BBS9: variants seen among roughly 807,000 people sequenced by gnomAD.
BBS9 encodes the protein Bardet-Biedl syndrome 9, also known as protein PTHB1.
In BBS9, 89 loss-of-function variants were observed where a neutral mutation model predicts 117.7. The observed-to-expected ratio is 0.76, with a 90% CI of 0.64 to 0.90. BBS9 has a LOEUF of 0.90. Ranked by LOEUF, BBS9 falls within the 40% of genes least tolerant of loss-of-function variation. The pLI, the probability that BBS9 is intolerant of heterozygous loss-of-function variation, is 0.00. For missense variants in BBS9, 982 were observed against 1,042.2 expected, an observed-to-expected ratio of 0.94 and a Z score of 0.80; for synonymous variants, 379 against 370.9, an observed-to-expected ratio of 1.02 and a Z score of -0.25.
At chr7:33,233,991 G>A (rs1372990596) in intron 5 of BBS9, among the ~76,000 whole-genome samples, 1 of 152,102 alleles carries the variant, frequency 6.6e-6, no homozygotes, top group Non-Finnish European at 1.5e-5. Context: ...CATTCTGGCT[G>A]ATGTCTGTCC....
rs11344728 is a variant in BBS9 at position 33,375,595 on chromosome 7, C to CT, written c.1789+7749dup. Among the ~76,000 whole-genome samples, 311 of 127,448 alleles carry CT rather than the reference C, an allele frequency of 2.4e-3. 1 individual carries two copies. Among genetic ancestry groups the CT allele is most frequent in the Admixed American group, 3.6e-3 (47 of 12,952 alleles). 83.6% of individuals were successfully genotyped at this position (127,448 alleles called of 152,430 possible). On this transcript the variant is annotated intron_variant, in intron 17 of 22. Coordinates refer to ENST00000242067, the MANE Select transcript of BBS9 (RefSeq NM_198428.3). ...TGCAAATTTCTTTCTTTCTTTCTTTCTTTTTTTTTTTTTTTTGAGACAGAG... is the reference window on the plus strand; with the variant it reads ...TGCAAATTTCTTTCTTTCTTTCTTTCTTTTTTTTTTTTTTTTTGAGACAGAG...
intron 16 of BBS9, among the ~76,000 whole-genome samples, chr7:33,364,763 C>T (rs1199539513): frequency 6.8e-6 from 1 of 146,698 alleles, no homozygotes; most frequent in African/African-American, 2.5e-5. Flanking sequence ...GGGTCTTGCT[C>T]TGTCATCCAG....
At chr7:33,584,461 T>C (rs1447481064) in intron 21 of BBS9, among the ~76,000 whole-genome samples, 1 of 152,070 alleles carries the variant, frequency 6.6e-6, no homozygotes, top group East Asian at 1.9e-4. Flanking sequence ...TGCCTATTAG[T>C]TTTAGATCCT....
intron 21 of BBS9, among the ~76,000 whole-genome samples, chr7:33,626,844 G>A (rs1865659958): frequency 6.6e-6 from 1 of 152,256 alleles, no homozygotes. Context: ...CATGAGCAAA[G>A]AGATGTCCTG....
At chr7:33,415,034 C>T (rs553981981) in intron 19 of BBS9, among the ~76,000 whole-genome samples, 144 of 152,166 alleles carry the variant, frequency 9.5e-4, no homozygotes, top group Non-Finnish European at 1.8e-3. Flanking sequence ...TACCTTCCTA[C>T]CCTTTATCTT....
At chr7:33,390,409 C>T in intron 19 of BBS9, 1 of 985,210 alleles carries the variant, frequency 1.0e-6, no homozygotes, top group South Asian at 4.7e-5. Flanking sequence ...ATATTACAGA[C>T]AAGACGATCA....
intron 19 of BBS9, among the ~76,000 whole-genome samples, chr7:33,454,512 G>A (rs750384702): frequency 1.4e-4 from 21 of 152,208 alleles, no homozygotes; most frequent in Non-Finnish European, 2.6e-4. Flanking sequence ...TTTATCACTT[G>A]TCCATTTTGG....
At chr7:33,603,149 C>T (rs1332337479) in intron 21 of BBS9, among the ~76,000 whole-genome samples, 1 of 152,190 alleles carries the variant, frequency 6.6e-6, no homozygotes, top group Non-Finnish European at 1.5e-5. Context: ...CTCTTCCTTG[C>T]TCCTGAAGTT....
Position 33,605,197 on chromosome 7 carries a change from G to C in BBS9, c.2635G>C (p.Val879Leu). ...HLTAETPRPE[V>L]SPLQGVSE ...TCTCTTACTCTCTTTTTTTCCAGAA[G>C]TTTCACCCCTCCAAGGAGTCTCGGA... The change falls in exon 23 of 23, where the codon GTT becomes CTT. Residue 879 changes from valine (V) to leucine (L), a missense_variant and splice_region_variant. Val to Leu is a conservative substitution (Grantham distance 32). Coordinates refer to ENST00000242067, the MANE Select transcript of BBS9 (RefSeq NM_198428.3). The C allele has an allele frequency of 6.2e-7, 1 of 1,611,952 alleles. No individual in the cohort carries two copies. Among genetic ancestry groups the C allele is most frequent in the Admixed American group, 1.7e-5 (1 of 59,964 alleles).
At chr7:33,239,746 A>G (rs1196692421) in intron 5 of BBS9, among the ~76,000 whole-genome samples, 1 of 152,098 alleles carries the variant, frequency 6.6e-6, no homozygotes, top group Non-Finnish European at 1.5e-5. Flanking sequence ...ATGGTGGCCC[A>G]CATCTATAAT....
At chr7:33,187,361 A>C (rs1783294063) in intron 5 of BBS9, among the ~76,000 whole-genome samples, 2 of 152,184 alleles carry the variant, frequency 1.3e-5, no homozygotes, top group Non-Finnish European at 2.9e-5. Flanking sequence ...CCCGAAATTT[A>C]CCTTGTTGGC....
intron 9 of BBS9, among the ~76,000 whole-genome samples, chr7:33,329,361 T>C (rs1329904972): frequency 1.3e-5 from 2 of 152,162 alleles, no homozygotes; most frequent in African/African-American, 4.8e-5. Flanking sequence ...TGAAAATAAT[T>C]CATCATTTCA....
rs1491153351 is a variant in BBS9, at chr7:33,596,299, C to CACATACAT, written c.2522-8566_2522-8565insACATACAT. On this transcript the variant is annotated intron_variant, in intron 21 of 22. Coordinates refer to ENST00000242067, the MANE Select transcript of BBS9 (RefSeq NM_198428.3). ...ACACACACACACACACACACACACA[C>CACATACAT]TTATATATGTGTGTGTGACTATTGA... Among the ~76,000 whole-genome samples, 209 of 143,510 alleles carry CACATACAT rather than the reference C, an allele frequency of 1.5e-3. 1 individual carries two copies. The highest frequency in any genetic ancestry group is 5.2e-3 in the African/African-American group (198 of 38,096). 94.1% of individuals were successfully genotyped at this position (143,510 alleles called of 152,430 possible). A position where few individuals can be genotyped will look rare whatever the true frequency, so the allele number is the denominator to read the frequency against.
chr7:33,553,676 T>G (rs970940733), intron 21 of BBS9, among the ~76,000 whole-genome samples: 1 of 152,146 alleles, frequency 6.6e-6, no homozygotes, highest in African/African-American at 2.4e-5. Flanking sequence ...GAGAACAGTA[T>G]TAGGAGCATC....
chr7:33,586,392 ATAAC>A (rs1443396884), intron 21 of BBS9, among the ~76,000 whole-genome samples: 1 of 151,964 alleles, frequency 6.6e-6, no homozygotes, highest in Admixed American at 6.6e-5. Context: ...AAAAAAATAA[ATAAC>A]AGATCTGGGT....
intron 9 of BBS9, among the ~76,000 whole-genome samples, chr7:33,295,382 A>T (rs578120222): frequency 5.3e-5 from 8 of 151,478 alleles, no homozygotes; most frequent in Middle Eastern, 3.5e-3. Context: ...GTAAAGTTTC[A>T]ATTATTTGAA....
Position 33,344,593 on chromosome 7 carries a change from G to A in BBS9, c.1288G>A (p.Val430Ile), listed in dbSNP as rs1465497304. The change falls in exon 12 of 23, where the codon GTT becomes ATT. Residue 430 changes from valine to isoleucine, a missense_variant. Val to Ile is a conservative substitution (Grantham distance 29). Coordinates refer to ENST00000242067, the MANE Select transcript of BBS9 (RefSeq NM_198428.3). ...TCTGTGTTTACAGCAAGCGACCGATGTTGAGGTGGGAACTGACCTTGTCCC... is the reference window on the plus strand; with the variant it reads ...TCTGTGTTTACAGCAAGCGACCGATATTGAGGTGGGAACTGACCTTGTCCC... Reference protein sequence around the residue: ...NFDSVSQATDVEVGTDLVPSV... With the variant: ...NFDSVSQATDIEVGTDLVPSV... 2 of 1,613,978 alleles carry A rather than the reference G, an allele frequency of 1.2e-6. No individual in the cohort carries two copies. Among genetic ancestry groups the A allele is most frequent in the African/African-American group, 1.3e-5 (1 of 74,930 alleles).
chr7:33,130,513 G>T (rs543272963), intron 1 of BBS9, among the ~76,000 whole-genome samples: 1 of 152,262 alleles, frequency 6.6e-6, no homozygotes, highest in South Asian at 2.1e-4. Flanking sequence ...ATTTCCTGGA[G>T]AAATGTATTT....
At chr7:33,565,805 A>AC (rs1181834615) in intron 21 of BBS9, among the ~76,000 whole-genome samples, 1 of 55,586 alleles carries the variant, frequency 1.8e-5, no homozygotes, top group African/African-American at 1.4e-4. Flanking sequence ...ATATATATAT[A>AC]TATATATATA....
Sources: gnomAD v4.1 joint callset for allele counts (sites outside exome capture counted in the v4.1 genomes callset) on GRCh38, gnomAD v4.1.1 for gene constraint, MANE v1.5 for transcripts, NCBI Gene and HGNC (gene_info 2026-07-23, HGNC 2026-07-21) for gene names.